Variants in NUCB2 observed in about 807,000 individuals in gnomAD.
NUCB2 encodes nucleobindin-2.
NUCB2 carries 48 observed loss-of-function variants against 57.9 expected under a neutral mutation model. The ratio of observed to expected loss-of-function variants is 0.83; its 90% confidence interval spans 0.66 to 1.05. The LOEUF (loss-of-function observed/expected upper bound fraction) is 1.05, where lower values mean the gene tolerates loss of function less well. Ranked by LOEUF, NUCB2 falls within the 50% of genes least tolerant of loss-of-function variation. The pLI is 0.00. For missense variants in NUCB2, 442 were observed against 476.2 expected, an observed-to-expected ratio of 0.93 and a Z score of 0.67; for synonymous variants, 139 against 152.1, an observed-to-expected ratio of 0.91 and a Z score of 0.64.
chr11:17,339,050 C>T (rs1952032582), intron 2 of NUCB2, among the ~76,000 whole-genome samples: 2 of 151,746 alleles, frequency 1.3e-5, no homozygotes, highest in African/African-American at 4.8e-5. Flanking sequence ...TGCAGTGGCG[C>T]AATCTTGCCT....
At chr11:17,308,582 C>T (rs1372885881) in intron 5 of NUCB2, among the ~76,000 whole-genome samples, 3 of 152,134 alleles carry the variant, frequency 2.0e-5, no homozygotes, top group Non-Finnish European at 4.4e-5. Context: ...CCATTTTGCT[C>T]AATTCTAGAA....
chr11:17,288,882 T>C (rs111999515), intron 2 of NUCB2, among the ~76,000 whole-genome samples: 9,065 of 44,568 alleles, frequency 0.2, 1,151 homozygotes, highest in East Asian at 0.32. Context: ...AACATGTATA[T>C]ACACACACAC....
chr11:17,287,953 G>A (rs923215807), intron 2 of NUCB2, among the ~76,000 whole-genome samples: 11 of 152,120 alleles, frequency 7.2e-5, no homozygotes, highest in Admixed American at 3.9e-4. Context: ...ATCCGAGATC[G>A]CGGCACTGCA....
intron 5 of NUCB2, among the ~76,000 whole-genome samples, chr11:17,305,837 G>A (rs1471038678): frequency 1.3e-5 from 2 of 151,816 alleles, no homozygotes; most frequent in African/African-American, 2.4e-5. Flanking sequence ...TCCCCAGGCT[G>A]GTTTGAGGGA....
At chr11:17,293,650 C>G (rs565801196) in intron 2 of NUCB2, among the ~76,000 whole-genome samples, 8 of 152,320 alleles carry the variant, frequency 5.3e-5, no homozygotes, top group Admixed American at 2.6e-4. Flanking sequence ...AAATGTCCAT[C>G]AGTTCATGAA....
chr11:17,298,081 C>CAAA (rs34329500), intron 4 of NUCB2, among the ~76,000 whole-genome samples: 15 of 82,716 alleles, frequency 1.8e-4, no homozygotes, highest in South Asian at 8.3e-4. Context: ...GACTTCGTCT[C>CAAA]AAAAAAAAAA....
At chr11:17,282,103 T>C (rs1227225122) in intron 1 of NUCB2, among the ~76,000 whole-genome samples, 1 of 151,598 alleles carries the variant, frequency 6.6e-6, no homozygotes, top group African/African-American at 2.4e-5. Context: ...TGAAGTCTCA[T>C]TGCTGAAAAA....
At chr11:17,323,083 G>T (rs1229258226) in intron 11 of NUCB2, among the ~76,000 whole-genome samples, 1 of 151,588 alleles carries the variant, frequency 6.6e-6, no homozygotes, top group East Asian at 1.9e-4. Context: ...TCTTTCTCTT[G>T]TCTTATTGAT....
chr11:17,319,298 T>C (rs1216722220), intron 11 of NUCB2, among the ~76,000 whole-genome samples: 1 of 152,228 alleles, frequency 6.6e-6, no homozygotes, highest in East Asian at 1.9e-4. Flanking sequence ...ACTTGGCCAG[T>C]GAGAGTTTCT....
intron 2 of NUCB2, among the ~76,000 whole-genome samples, chr11:17,348,924 C>T (rs1434562103): frequency 2.6e-5 from 4 of 152,126 alleles, no homozygotes; most frequent in Admixed American, 2.6e-4. Flanking sequence ...GGATTACAGG[C>T]GTCTGCCACC....
At chr11:17,309,859 C>T (rs1337693331) in intron 6 of NUCB2, among the ~76,000 whole-genome samples, 184 bp downstream of exon 6, 1 of 152,102 alleles carries the variant, frequency 6.6e-6, no homozygotes, top group African/African-American at 2.4e-5. Context: ...ATCCCTTATC[C>T]ACAATTCCTA....
chr11:17,325,638 T>C (rs189872355), intron 11 of NUCB2, among the ~76,000 whole-genome samples: 35 of 152,320 alleles, frequency 2.3e-4, no homozygotes, highest in African/African-American at 7.9e-4. Flanking sequence ...AGATGCTCTA[T>C]GTCTTGATTG....
chr11:17,345,577 G>C (rs1324749676), intron 2 of NUCB2, among the ~76,000 whole-genome samples: 1 of 152,032 alleles, frequency 6.6e-6, no homozygotes, highest in Non-Finnish European at 1.5e-5. Context: ...CGTGGTGGTG[G>C]GCGCCTGTAA....
At chr11:17,288,116 G>A (rs1944101551) in intron 2 of NUCB2, among the ~76,000 whole-genome samples, 1 of 152,108 alleles carries the variant, frequency 6.6e-6, no homozygotes, top group African/African-American at 2.4e-5. Flanking sequence ...AAAAATACTT[G>A]GACTACAAAG....
intron 2 of NUCB2, among the ~76,000 whole-genome samples, chr11:17,337,881 C>G (rs1403682890): frequency 6.6e-6 from 1 of 152,092 alleles, no homozygotes; most frequent in African/African-American, 2.4e-5. Flanking sequence ...GTGATCTGCC[C>G]GCCTCAGCCT....
chr11:17,305,120 T>A (rs2138730956), intron 5 of NUCB2, among the ~76,000 whole-genome samples: 1 of 152,318 alleles, frequency 6.6e-6, no homozygotes, highest in Middle Eastern at 3.4e-3. Context: ...GGTCAGGAGT[T>A]CAAGACCAGT....
intron 11 of NUCB2, among the ~76,000 whole-genome samples, chr11:17,325,392 G>A (rs1591547584): frequency 6.6e-6 from 1 of 152,112 alleles, no homozygotes; most frequent in Non-Finnish European, 1.5e-5. Context: ...TCTGTTTACA[G>A]TCATTCTATC....
chr11:17,293,732 T>TA (rs1206833578), intron 2 of NUCB2, among the ~76,000 whole-genome samples: 1 of 152,256 alleles, frequency 6.6e-6, no homozygotes, highest in Non-Finnish European at 1.5e-5. Flanking sequence ...AAAGTCCTGA[T>TA]ACTTGTTACA....
intron 11 of NUCB2, among the ~76,000 whole-genome samples, chr11:17,322,251 T>C (rs528766190): frequency 6.6e-6 from 1 of 152,290 alleles, no homozygotes; most frequent in South Asian, 2.1e-4. Flanking sequence ...CTTTAATCCA[T>C]TTTGATTTGA....
Sources: gnomAD v4.1 joint callset for allele counts (sites outside exome capture counted in the v4.1 genomes callset) on GRCh38, gnomAD v4.1.1 for gene constraint, MANE v1.5 for transcripts, NCBI Gene and HGNC (gene_info 2026-07-23, HGNC 2026-07-21) for gene names.